The following ZNF536 variants were observed in gnomAD, a reference collection of about 807,000 sequenced individuals.
The protein encoded by ZNF536 is zinc finger protein 536.
A neutral mutation model predicts 84.5 loss-of-function variants in ZNF536; 13 were observed. The ratio of observed to expected loss-of-function variants is 0.15; its 90% CI spans 0.10 to 0.24. The LOEUF (loss-of-function observed/expected upper bound fraction) is 0.24. Ranked by LOEUF, ZNF536 falls within the 10% of genes least tolerant of loss-of-function variation. The probability of loss-of-function intolerance (pLI) is 1.00; values close to 1 mark genes in which losing one functional copy is unlikely to be tolerated. For missense variants in ZNF536, 1,536 were observed against 1,747.5 expected (o/e 0.88, Z 2.16); for synonymous variants, 811 against 742.5 (o/e 1.09, Z -1.50).
chr19:30,532,146 T>C (rs1223830932), intron 2 of ZNF536, among the ~76,000 whole-genome samples: 1 of 151,970 alleles, frequency 6.6e-6, no homozygotes, highest in African/African-American at 2.4e-5. Context: ...TTTTCATATT[T>C]TGAGACAGAG....
chr19:30,634,795 G>A (rs1005152668), intron 1 of ZNF536, among the ~76,000 whole-genome samples: 19 of 151,988 alleles, frequency 1.3e-4, no homozygotes, highest in African/African-American at 4.3e-4. Flanking sequence ...GCTCGTTATG[G>A]CTGCATCTCC....
chr19:30,615,547 G>C (rs2048262210), intron 1 of ZNF536, among the ~76,000 whole-genome samples: 2 of 151,232 alleles, frequency 1.3e-5, no homozygotes, highest in African/African-American at 4.9e-5. Context: ...TGTAGTATCT[G>C]GTCAGGCTTA....
chr19:30,668,005 C>T (rs1037475104), intron 1 of ZNF536, among the ~76,000 whole-genome samples: 17 of 152,078 alleles, frequency 1.1e-4, no homozygotes, highest in Admixed American at 7.2e-4. Flanking sequence ...GTCCTCAGGG[C>T]ACTATCCTTT....
At chr19:30,259,449 A>C (rs1245782774) in intron 1 of ZNF536, among the ~76,000 whole-genome samples, 5 of 152,196 alleles carry the variant, frequency 3.3e-5, no homozygotes, top group Admixed American at 3.3e-4. Flanking sequence ...TAGAAATGCA[A>C]ATCCCGGGCC....
intron 1 of ZNF536, among the ~76,000 whole-genome samples, chr19:30,630,446 T>A (rs2048848465): frequency 6.6e-6 from 1 of 152,088 alleles, no homozygotes; most frequent in Non-Finnish European, 1.5e-5. Flanking sequence ...TACCTGCGTG[T>A]GTGCACACGT....
chr19:30,394,012 G>A (rs1479273393), intron 1 of ZNF536, among the ~76,000 whole-genome samples: 2 of 152,088 alleles, frequency 1.3e-5, no homozygotes, highest in African/African-American at 2.4e-5. Flanking sequence ...AGCTGAAGGA[G>A]TCAGAGTCTG....
chr19:30,467,199 C>G (rs1229263005), intron 2 of ZNF536, among the ~76,000 whole-genome samples: 1 of 152,154 alleles, frequency 6.6e-6, no homozygotes, highest in African/African-American at 2.4e-5. Flanking sequence ...ATGTTATCAT[C>G]AATACCACCC....
At position 30,616,116 on chromosome 19, in the gene ZNF536, C is replaced by T. The variant is rs144759690; in HGVS notation, c.169+66602C>T. ...TAAGTATTCTGGTATGGAGTCATATCTTTTTGCAAATAATCATAACCTGCT... is the reference window on the plus strand; with the variant it reads ...TAAGTATTCTGGTATGGAGTCATATTTTTTTGCAAATAATCATAACCTGCT... On this transcript the variant is annotated intron_variant, in intron 1 of 1. Coordinates refer to the ZNF536 transcript ENST00000592773. Among the ~76,000 whole-genome samples, 625 of 152,232 alleles carry T rather than the reference C, an allele frequency of 4.1e-3. 6 individuals are homozygous for T. The highest frequency in any genetic ancestry group is 0.014 in the African/African-American group (591 of 41,528).
chr19:30,609,444 A>G (rs1374364693), intron 1 of ZNF536, among the ~76,000 whole-genome samples: 1 of 152,240 alleles, frequency 6.6e-6, no homozygotes, highest in Non-Finnish European at 1.5e-5. Flanking sequence ...CTTCTCAAGC[A>G]CTGAATGACT....
At chr19:30,523,715 G>A (rs1385867150) in intron 2 of ZNF536, among the ~76,000 whole-genome samples, 1 of 152,058 alleles carries the variant, frequency 6.6e-6, no homozygotes, top group Non-Finnish European at 1.5e-5. Flanking sequence ...GCACCTGGCA[G>A]TCAGGCACCC....
At chr19:30,672,807 G>C (rs978714919) in intron 1 of ZNF536, among the ~76,000 whole-genome samples, 1 of 152,162 alleles carries the variant, frequency 6.6e-6, no homozygotes, top group Non-Finnish European at 1.5e-5. Flanking sequence ...AGGAGGGAGT[G>C]GGGGGAGCAG....
At chr19:30,400,966 A>T (rs896287490) in intron 1 of ZNF536, among the ~76,000 whole-genome samples, 1 of 152,112 alleles carries the variant, frequency 6.6e-6, no homozygotes, top group Non-Finnish European at 1.5e-5. Flanking sequence ...TTTTTCCTAT[A>T]TTATCTTCTA....
chr19:30,707,652 T>C (rs2052296201), intron 1 of ZNF536, among the ~76,000 whole-genome samples: 1 of 152,168 alleles, frequency 6.6e-6, no homozygotes, highest in Non-Finnish European at 1.5e-5. Context: ...GGAAGGTTGA[T>C]GAAATTTAGC....
chr19:30,526,400 G>A (rs1415768734), intron 2 of ZNF536, among the ~76,000 whole-genome samples: 1 of 152,220 alleles, frequency 6.6e-6, no homozygotes, highest in African/African-American at 2.4e-5. Context: ...ATCCCCAGCA[G>A]GGAGTTTCAC....
At chr19:30,599,484 C>CTT (rs1362250664) in intron 1 of ZNF536, among the ~76,000 whole-genome samples, 115 of 13,398 alleles carry the variant, frequency 8.6e-3, no homozygotes, top group African/African-American at 0.022. Flanking sequence ...CCTTCCTTCC[C>CTT]TCCTTCCTTC....
Position 30,685,856 on chromosome 19 carries a change from T to A in ZNF536, c.170-24901T>A, listed in dbSNP as rs140283718. 8.9e-3 allele frequency among the ~76,000 whole-genome samples: 1,356 copies of A among 152,324 alleles called. 10 individuals carry two copies. Among genetic ancestry groups the A allele is most frequent in the Non-Finnish European group, 0.01 (694 of 68,022 alleles). Reference sequence around the variant, plus strand: ...TGCTGAGATCCCAAGTTACTCTGCCTCCTGGAACGTCATTTGTTTTTCTTT... The same window carrying A: ...TGCTGAGATCCCAAGTTACTCTGCCACCTGGAACGTCATTTGTTTTTCTTT... On this transcript the variant is annotated intron_variant, in intron 1 of 1. Coordinates refer to the ZNF536 transcript ENST00000592773.
intron 1 of ZNF536, among the ~76,000 whole-genome samples, chr19:30,573,496 C>A (rs1331647832): frequency 6.6e-6 from 1 of 152,118 alleles, no homozygotes; most frequent in African/African-American, 2.4e-5. Flanking sequence ...CACATTCCCC[C>A]CATTCCTGGT....
intron 1 of ZNF536, among the ~76,000 whole-genome samples, chr19:30,701,398 A>AAC (rs1487783655): frequency 4.3e-5 from 6 of 140,530 alleles, no homozygotes; most frequent in African/African-American, 1.3e-4. Context: ...GACACACCCA[A>AAC]ACACACACAG....
intron 1 of ZNF536, among the ~76,000 whole-genome samples, chr19:30,634,471 TC>T (rs1304266227): frequency 2.0e-5 from 3 of 152,142 alleles, no homozygotes; most frequent in African/African-American, 7.2e-5. Flanking sequence ...CTGCCATGCC[TC>T]CAGTCTCTGA....
Sources: gnomAD v4.1 joint callset for allele counts (sites outside exome capture counted in the v4.1 genomes callset) on GRCh38, gnomAD v4.1.1 for gene constraint, MANE v1.5 for transcripts, NCBI Gene and HGNC (gene_info 2026-07-23, HGNC 2026-07-21) for gene names.